EXOSC10: variants seen among roughly 807,000 people sequenced by gnomAD.
The protein encoded by EXOSC10 is exosome component 10, also known as exosome complex component 10.
In EXOSC10, 94 loss-of-function variants were observed where a neutral mutation model predicts 126.6. The observed-to-expected ratio is 0.74, with a 90% CI of 0.63 to 0.88. The LOEUF (loss-of-function observed/expected upper bound fraction) is 0.88. Ranked by LOEUF, EXOSC10 falls within the 40% of genes least tolerant of loss-of-function variation. The probability of loss-of-function intolerance (pLI) is 0.00; values close to 1 mark genes in which losing one functional copy is unlikely to be tolerated. For synonymous variants in EXOSC10, 395 were observed against 400.8 expected, an observed-to-expected ratio of 0.99 and a Z score of 0.17; for missense variants, 1,041 against 1,100.5, an observed-to-expected ratio of 0.95 and a Z score of 0.77.
In EXOSC10 at chr1:11,080,531, G is replaced by A; in HGVS notation, c.1605C>T (p.His535=). 1 of 1,608,176 alleles carries A rather than the reference G, an allele frequency of 6.2e-7. No homozygotes were observed. Among genetic ancestry groups the A allele is most frequent in the Non-Finnish European group, 8.5e-7 (1 of 1,177,972 alleles). The change falls in exon 13 of 25, where the codon CAC becomes CAT. Residue 535 remains histidine (H), a synonymous_variant. Coordinates refer to ENST00000376936, the MANE Select transcript of EXOSC10 (RefSeq NM_001001998.3). ...DESYGYVLPN[H]MMLKIAEELP... ...GTTCTTCAGCTATTTTCAGCATCAT[G>A]TGGTTTGGCAGTACATATCTGGAAA... is the stretch of plus-strand genomic sequence containing the variant.
intron 1 of EXOSC10, 77 bp from the exon 2 acceptor site, chr1:11,098,233 G>T: frequency 1.4e-6 from 2 of 1,475,416 alleles, no homozygotes; most frequent in South Asian, 1.4e-5. Context: ...TTGATCTATC[G>T]TATACAAGGT....
intron 9 of EXOSC10, among the ~76,000 whole-genome samples, chr1:11,084,235 G>T (rs937299580): frequency 6.6e-6 from 1 of 152,154 alleles, no homozygotes; most frequent in African/African-American, 2.4e-5. Flanking sequence ...CTAGTTTACA[G>T]TCCCACCAAC....
At chr1:11,078,351 G>A (rs925006388) in intron 14 of EXOSC10, among the ~76,000 whole-genome samples, 3 of 150,744 alleles carry the variant, frequency 2.0e-5, no homozygotes, top group Admixed American at 1.3e-4. Flanking sequence ...TCCGCCTCCC[G>A]GGTTCACGCC....
chr1:11,084,287 CTGT>C (rs1490735802), intron 9 of EXOSC10, among the ~76,000 whole-genome samples: 4 of 152,182 alleles, frequency 2.6e-5, no homozygotes, highest in East Asian at 1.9e-4. Context: ...TCTCCAGCAC[CTGT>C]TGTTTCCTGA....
chr1:11,081,075 G>A lies in EXOSC10; in HGVS notation c.1437+7C>T. On this transcript the variant is annotated splice_region_variant and intron_variant, in intron 11 of 24. Transcript: ENST00000376936. The stretch of plus-strand genomic sequence containing the variant: ...TCGCGGTCTGTGTGACTGCGGCTGA[G>A]GTGTACCTTGAGGCAGATGTCCCTG... 1.9e-6 allele frequency: 3 copies of A among 1,613,998 alleles called. No homozygotes were observed. Among genetic ancestry groups the A allele is most frequent in the Non-Finnish European group, 2.5e-6 (3 of 1,179,940 alleles).
chr1:11,085,609 T>C (rs1391768064), intron 9 of EXOSC10, among the ~76,000 whole-genome samples: 1 of 152,168 alleles, frequency 6.6e-6, no homozygotes, highest in Non-Finnish European at 1.5e-5. Flanking sequence ...GAATACCCTT[T>C]ATTTCCTTCT....
At chr1:11,090,816 A>G in intron 5 of EXOSC10, 148 bp from the exon 6 acceptor site, 1 of 818,612 alleles carries the variant, frequency 1.2e-6, no homozygotes, top group Non-Finnish European at 1.9e-6. Flanking sequence ...TGGTGGCACA[A>G]GCACAGCTCA....
intron 3 of EXOSC10, 44 bp downstream of exon 3, chr1:11,095,713 CA>C (rs1340962339): frequency 6.3e-7 from 1 of 1,596,210 alleles, no homozygotes; most frequent in South Asian, 1.1e-5. Context: ...GACTCCGTCT[CA>C]AAAACAAAAC....
chr1:11,093,838 G>T (rs1056596936), intron 3 of EXOSC10, among the ~76,000 whole-genome samples: 1 of 152,008 alleles, frequency 6.6e-6, no homozygotes, highest in African/African-American at 2.4e-5. Flanking sequence ...GGCTGAGGTG[G>T]GGGGGGATTG....
chr1:11,095,863 C>T lies in EXOSC10; in HGVS notation c.267G>A (p.Gln89=). 6.2e-7 allele frequency: 1 copy of T among 1,613,556 alleles called. No homozygotes were observed. Among genetic ancestry groups the T allele is most frequent in the African/African-American group, 1.3e-5 (1 of 75,048 alleles). The change falls in exon 3 of 25, where the codon CAG becomes CAA. Residue 89 remains glutamine, a synonymous_variant. Coordinates refer to ENST00000376936, the MANE Select transcript of EXOSC10 (RefSeq NM_001001998.3). ...TAATGTTGCTGCGACACCCATGGTA[C>T]TGCATTACTCTGCTCATGCTAAGGA... ...RLLQCMSRVM[Q]YHGCRSNIKD... is the part of the protein sequence containing the mutation.
chr1:11,076,702 GC>G, intron 17 of EXOSC10, 139 bp downstream of exon 17: 1 of 679,570 alleles, frequency 1.5e-6, no homozygotes, highest in East Asian at 2.7e-5. Flanking sequence ...TGGTCTCTAT[GC>G]CTCTCCCAGC....
At chr1:11,077,750 T>C in intron 14 of EXOSC10, 99 bp from the exon 15 acceptor site, 5 of 1,040,506 alleles carry the variant, frequency 4.8e-6, no homozygotes, top group Non-Finnish European at 7.1e-6. Flanking sequence ...CCAGCCTGTT[T>C]CTCAAAAGCC....
chr1:11,082,863 C>T lies in EXOSC10; in HGVS notation c.1105G>A (p.Asp369Asn). 1 of 1,614,150 alleles carries T rather than the reference C, an allele frequency of 6.2e-7. No individual in the cohort carries two copies. Among genetic ancestry groups the T allele is most frequent in the Non-Finnish European group, 8.5e-7 (1 of 1,179,986 alleles). ...PAIVKVFHGA[D>N]SDIEWLQKDF... ...TTCTGTAGCCATTCTATGTCTGAAT[C>T]AGCACCATGAAAGACCTGAAAACAG... is the stretch of plus-strand genomic sequence containing the variant. Residue 369 changes from aspartate to asparagine, a missense_variant, in exon 10 of 25, where the codon GAT becomes AAT. This residue lies in a region of EXOSC10 where 645 missense variants were observed against 656.3 expected (regional missense o/e 0.98). Coordinates refer to ENST00000376936, the MANE Select transcript of EXOSC10 (RefSeq NM_001001998.3).
At position 11,073,877 on chromosome 1, in the gene EXOSC10, C is replaced by CAAAAAAA. The variant is rs770965502; in HGVS notation, c.2157+50_2157+56dup. On this transcript the variant is annotated intron_variant, in intron 19 of 24. Coordinates refer to ENST00000376936, the MANE Select transcript of EXOSC10 (RefSeq NM_001001998.3). Reference sequence around the variant, plus strand: ...TGGGTGACAAAGCGAGACTCCATCTCAAAAAAAAAAAAAAAAAAAAAAAGT... The same window carrying CAAAAAAA: ...TGGGTGACAAAGCGAGACTCCATCTCAAAAAAAAAAAAAAAAAAAAAAAAAAAAAAGT... 1.7e-5 allele frequency: 9 copies of CAAAAAAA among 539,078 alleles called. 1 individual carries two copies. Among genetic ancestry groups the CAAAAAAA allele is most frequent in the African/African-American group, 8.2e-5 (2 of 24,306 alleles). 33.4% of individuals were successfully genotyped at this position (539,078 alleles called of 1,614,324 possible).
chr1:11,099,090 GTTAA>G (rs1366011930), intron 1 of EXOSC10, among the ~76,000 whole-genome samples: 1 of 152,140 alleles, frequency 6.6e-6, no homozygotes, highest in African/African-American at 2.4e-5. Flanking sequence ...AATTTATAGG[GTTAA>G]TTTACAAATT....
intron 14 of EXOSC10, among the ~76,000 whole-genome samples, chr1:11,078,134 G>T (rs1639926150): frequency 6.6e-6 from 1 of 152,158 alleles, no homozygotes; most frequent in Non-Finnish European, 1.5e-5. Context: ...ACATAGCTGG[G>T]TATGGTGGTG....
chr1:11,080,584 ACACACACACACACACACACACG>A (rs779302529), intron 12 of EXOSC10, 35 bp from the exon 13 acceptor site: 3 of 1,603,490 alleles, frequency 1.9e-6, no homozygotes, highest in African/African-American at 2.7e-5. Flanking sequence ...ACACACACAC[ACACACACACACACACACACACG>A]GTGGGGACAC....
At chr1:11,069,780 C>G (rs573970123) in intron 21 of EXOSC10, 50 bp from the exon 22 acceptor site, 4 of 1,597,796 alleles carry the variant, frequency 2.5e-6, no homozygotes, top group Non-Finnish European at 2.6e-6. Flanking sequence ...CACATGGGAA[C>G]AGGGAACTCC....
rs143818053 is a variant in EXOSC10, at chr1:11,087,541, A to G, written c.996T>C (p.Ser332=). 2,246 of 1,614,148 alleles carry G rather than the reference A, an allele frequency of 1.4e-3. 38 individuals are homozygous for G. In the African/African-American group the frequency reaches 0.026, roughly 19 times the overall value. Residue 332 remains serine (S), a synonymous_variant, in exon 9 of 25, where the codon TCT becomes TCC. Coordinates refer to ENST00000376936, the MANE Select transcript of EXOSC10 (RefSeq NM_001001998.3). ...FLGLTCLMQI[S]TRTEDFIIDT... ...CAATGATGAAGTCTTCCGTCCGAGTAGAAATTTGCATCAGGCAGGTCAGTC... is the reference window on the plus strand; with the variant it reads ...CAATGATGAAGTCTTCCGTCCGAGTGGAAATTTGCATCAGGCAGGTCAGTC...
Sources: gnomAD v4.1 joint callset for allele counts (sites outside exome capture counted in the v4.1 genomes callset) on GRCh38, gnomAD v4.1.1 for gene constraint, gnomAD v4.1.1 regional missense constraint, MANE v1.5 for transcripts, NCBI Gene and HGNC (gene_info 2026-07-23, HGNC 2026-07-21) for gene names.